PDE1C: variants seen among roughly 807,000 people sequenced by gnomAD.
PDE1C encodes the protein dual specificity calcium/calmodulin-dependent 3',5'-cyclic nucleotide phosphodiesterase 1C.
In PDE1C, 62 loss-of-function variants were observed where a neutral mutation model predicts 93.1. That is an observed-to-expected ratio of 0.67 (90% confidence interval 0.54 to 0.82). The LOEUF (loss-of-function observed/expected upper bound fraction) is 0.82. Among genes scored for constraint, PDE1C ranks in the 40% least tolerant of loss-of-function variants. The probability of loss-of-function intolerance (pLI) is 0.00; values close to 1 mark genes in which losing one functional copy is unlikely to be tolerated. For synonymous variants in PDE1C, 325 were observed against 310.1 expected (o/e 1.05, Z -0.50); for missense variants, 742 against 884.6 (o/e 0.84, Z 2.04).
At chr7:31,720,993 CAT>C in the PDE1C span, among the ~76,000 whole-genome samples, 3 of 152,152 alleles carry the variant, frequency 2.0e-5, no homozygotes, top group Non-Finnish European at 4.4e-5. Flanking sequence ...GGTTTAAAAA[CAT>C]AGGCCCCATC....
intron 17 of PDE1C, among the ~76,000 whole-genome samples, chr7:31,768,586 A>C (rs1795286982): frequency 6.6e-6 from 1 of 152,226 alleles, no homozygotes; most frequent in African/African-American, 2.4e-5. Context: ...GACAAGATAG[A>C]TCTTAGCACT....
intron 3 of PDE1C, among the ~76,000 whole-genome samples, chr7:32,163,467 C>T (rs1802042023): frequency 6.6e-6 from 1 of 152,178 alleles, no homozygotes; most frequent in South Asian, 2.1e-4. Context: ...TCATCCGTAG[C>T]TGAGGGTGTT....
intron 3 of PDE1C, among the ~76,000 whole-genome samples, chr7:32,123,694 T>C (rs1170410696): frequency 6.6e-6 from 1 of 152,216 alleles, no homozygotes; most frequent in East Asian, 1.9e-4. Context: ...TAGGCATTGA[T>C]TGAACATATC....
intron 1 of PDE1C, among the ~76,000 whole-genome samples, chr7:32,256,472 C>T (rs1809801400): frequency 6.6e-6 from 1 of 152,148 alleles, no homozygotes; most frequent in Non-Finnish European, 1.5e-5. Context: ...TCCTCCAAAG[C>T]ATAAGTGCAA....
At chr7:32,355,401 G>A (rs1784011852) in intron 1 of PDE1C, among the ~76,000 whole-genome samples, 1 of 152,196 alleles carries the variant, frequency 6.6e-6, no homozygotes, top group African/African-American at 2.4e-5. Context: ...CACTGCAGCA[G>A]CTCGCTAGGT....
chr7:32,168,056 G>T (rs573190545), intron 3 of PDE1C, among the ~76,000 whole-genome samples: 2 of 152,206 alleles, frequency 1.3e-5, no homozygotes, highest in African/African-American at 4.8e-5. Context: ...AGAAAGGATA[G>T]TTACAAAATA....
chr7:32,347,481 G>C (rs1328242779), intron 1 of PDE1C, among the ~76,000 whole-genome samples: 2 of 152,010 alleles, frequency 1.3e-5, no homozygotes, highest in African/African-American at 4.8e-5. Context: ...CTCCCCTTCA[G>C]TGTGAGTAGA....
At chr7:32,388,293 G>C (rs866963259) in intron 1 of PDE1C, among the ~76,000 whole-genome samples, 3 of 152,174 alleles carry the variant, frequency 2.0e-5, no homozygotes, top group South Asian at 4.1e-4. Flanking sequence ...CAGGAACAAG[G>C]AGAAACCATA....
chr7:31,624,834 C>A, the PDE1C span, among the ~76,000 whole-genome samples: 1 of 152,116 alleles, frequency 6.6e-6, no homozygotes, highest in Non-Finnish European at 1.5e-5. Flanking sequence ...AGTGAACAGG[C>A]AACCCACAAA....
chr7:32,102,182 C>T (rs768824715), intron 3 of PDE1C, among the ~76,000 whole-genome samples: 16 of 152,094 alleles, frequency 1.1e-4, no homozygotes, highest in Non-Finnish European at 2.2e-4. Context: ...TCTTGAAGAT[C>T]TTATAGTAGT....
At chr7:31,923,735 A>G (rs1440836388) in intron 2 of PDE1C, among the ~76,000 whole-genome samples, 1 of 152,126 alleles carries the variant, frequency 6.6e-6, no homozygotes, top group Admixed American at 6.5e-5. Context: ...CATGTTGGAG[A>G]GGCAGACATG....
At chr7:32,185,948 T>G (rs1489318709) in intron 2 of PDE1C, among the ~76,000 whole-genome samples, 2 of 152,202 alleles carry the variant, frequency 1.3e-5, no homozygotes, top group Admixed American at 1.3e-4. Context: ...TTTCATTGCC[T>G]TTTTAAAGTG....
At chr7:32,028,421 C>T (rs1487449065) in intron 2 of PDE1C, among the ~76,000 whole-genome samples, 1 of 152,130 alleles carries the variant, frequency 6.6e-6, no homozygotes, top group Non-Finnish European at 1.5e-5. Context: ...GCTTGAGTCA[C>T]ACCTTCAATC....
intron 2 of PDE1C, among the ~76,000 whole-genome samples, chr7:32,000,091 C>A (rs117976853): frequency 6.6e-6 from 1 of 152,192 alleles, no homozygotes; most frequent in Non-Finnish European, 1.5e-5. Flanking sequence ...ACCTACCTCA[C>A]GGTCACTGTG....
rs952847777 is a variant in PDE1C at position 32,020,159 on chromosome 7, G to C, written c.128+31395C>G. On this transcript the variant is annotated intron_variant, in intron 2 of 17. Coordinates refer to ENST00000396191, the MANE Select transcript of PDE1C (RefSeq NM_001191057.4). ...CAGTGGTCAGCTTGGTGGGCCCCAG[G>C]ATAAACACTGAAGAAAGTGGTTTTT... 2.6e-5 allele frequency among the ~76,000 whole-genome samples: 4 copies of C among 152,062 alleles called. No homozygotes were observed. In the East Asian group the frequency reaches 7.7e-4, roughly 29 times the overall value.
At chr7:32,390,812 C>A (rs1784736137) in intron 1 of PDE1C, among the ~76,000 whole-genome samples, 1 of 151,898 alleles carries the variant, frequency 6.6e-6, no homozygotes, top group South Asian at 2.1e-4. Flanking sequence ...ATGATGGTGC[C>A]ACTGCACTTC....
the PDE1C span, among the ~76,000 whole-genome samples, chr7:31,744,492 G>T: frequency 6.6e-6 from 1 of 152,118 alleles, no homozygotes; most frequent in Non-Finnish European, 1.5e-5. Flanking sequence ...TGCAGCCTAA[G>T]AAGTGACTGT....
chr7:32,278,147 A>T (rs577337355), intron 1 of PDE1C, among the ~76,000 whole-genome samples: 2 of 148,628 alleles, frequency 1.3e-5, no homozygotes, highest in Non-Finnish European at 3.0e-5. Context: ...AAAATGCAGG[A>T]GAGAAGGAAG....
intron 16 of PDE1C, among the ~76,000 whole-genome samples, chr7:31,776,842 A>G (rs6462302): frequency 0.7 from 106,756 of 151,734 alleles, 41,205 homozygotes; most frequent in Non-Finnish European, 0.88. Context: ...GTGTTAGGTT[A>G]CTTCCGTTAG....
Sources: allele counts gnomAD v4.1 joint callset (sites outside exome capture counted in the v4.1 genomes callset), GRCh38; gene constraint gnomAD v4.1.1; transcripts MANE v1.5; gene names NCBI Gene and HGNC (gene_info 2026-07-23, HGNC 2026-07-21).